Variants in PCDH9 observed in about 807,000 individuals in gnomAD.
PCDH9 encodes protocadherin 9, also known as protocadherin-9.
In PCDH9, 24 loss-of-function variants were observed where a neutral mutation model predicts 70.6. The ratio of observed to expected loss-of-function variants is 0.34; its 90% CI spans 0.25 to 0.48. The LOEUF is 0.48. Among genes scored for constraint, PCDH9 ranks in the 20% least tolerant of loss-of-function variants. The pLI is 0.99. For synonymous variants in PCDH9, 562 were observed against 558.5 expected (o/e 1.01, Z -0.09); for missense variants, 1,281 against 1,503.6 (o/e 0.85, Z 2.45).
intron 2 of PCDH9, among the ~76,000 whole-genome samples, chr13:67,049,843 C>T (rs1219688045): frequency 6.6e-6 from 1 of 152,134 alleles, no homozygotes. Context: ...CTTTTTTCTA[C>T]TATGTTCTGC....
intron 2 of PCDH9, among the ~76,000 whole-genome samples, chr13:66,934,919 A>G (rs2082890048): frequency 6.7e-6 from 1 of 149,232 alleles, no homozygotes; most frequent in Non-Finnish European, 1.5e-5. Context: ...ACGGGGTTTC[A>G]CCGTGTTAGC....
At chr13:67,084,250 C>T (rs1018456911) in intron 2 of PCDH9, among the ~76,000 whole-genome samples, 2 of 152,140 alleles carry the variant, frequency 1.3e-5, no homozygotes, top group African/African-American at 4.8e-5. Context: ...GGCACACAGA[C>T]CTCAGATAAG....
At chr13:66,593,950 C>T (rs181703007) in intron 4 of PCDH9, among the ~76,000 whole-genome samples, 2 of 151,314 alleles carry the variant, frequency 1.3e-5, no homozygotes, top group East Asian at 2.0e-4. Flanking sequence ...TTTTTATAGT[C>T]TTTAATCATT....
chr13:67,169,634 C>T (rs1278200221), intron 2 of PCDH9, among the ~76,000 whole-genome samples: 4 of 152,138 alleles, frequency 2.6e-5, no homozygotes, highest in Non-Finnish European at 5.9e-5. Context: ...ATCGAAACTG[C>T]TGAGTCAATG....
intron 3 of PCDH9, among the ~76,000 whole-genome samples, chr13:66,694,905 C>CTTT (rs367904882): frequency 7.1e-6 from 1 of 141,768 alleles, no homozygotes; most frequent in Non-Finnish European, 1.5e-5. Context: ...CACTTACATA[C>CTTT]TTTTTTTTTT....
At chr13:66,406,159 G>A (rs750351540) in intron 4 of PCDH9, among the ~76,000 whole-genome samples, 1 of 152,136 alleles carries the variant, frequency 6.6e-6, no homozygotes, top group Non-Finnish European at 1.5e-5. Context: ...TTCAAGCAGT[G>A]CCGACCTTGG....
At chr13:67,015,816 T>G (rs2139849014) in intron 2 of PCDH9, among the ~76,000 whole-genome samples, 1 of 152,298 alleles carries the variant, frequency 6.6e-6, no homozygotes, top group Middle Eastern at 3.4e-3. Context: ...TTCATCTATG[T>G]TCCTATGGCT....
At chr13:66,940,533 T>C (rs1031563384) in intron 2 of PCDH9, among the ~76,000 whole-genome samples, 1 of 152,182 alleles carries the variant, frequency 6.6e-6, no homozygotes, top group Non-Finnish European at 1.5e-5. Context: ...TAGGGTGTTA[T>C]TCAAATGAAT....
rs117906654 is a variant in PCDH9 at position 66,553,182 on chromosome 13, C to G, written c.3340+78028G>C. 4.4e-3 allele frequency among the ~76,000 whole-genome samples: 670 copies of G among 152,096 alleles called. 27 individuals are homozygous for G. In the East Asian group the frequency reaches 0.085, roughly 19 times the overall value. On this transcript the variant is annotated intron_variant, in intron 4 of 4. Transcript: ENST00000377865. Reference sequence around the variant, plus strand: ...ACCAGTCAAAAAGAACATTCAATTCCAAAACAAAAAATCACTAACTATTTT... The same window carrying G: ...ACCAGTCAAAAAGAACATTCAATTCGAAAACAAAAAATCACTAACTATTTT...
intron 4 of PCDH9, among the ~76,000 whole-genome samples, chr13:66,608,220 T>C (rs1335870009): frequency 6.6e-6 from 1 of 152,044 alleles, no homozygotes; most frequent in East Asian, 1.9e-4. Flanking sequence ...GTTACAGGTC[T>C]GTGATAGCTG....
intron 2 of PCDH9, chr13:67,001,965 C>G (rs1166144283): frequency 6.6e-6 from 1 of 152,132 alleles, no homozygotes; most frequent in East Asian, 1.9e-4. Flanking sequence ...TGTATTGAAT[C>G]ACTTCTTAAA....
At chr13:66,405,557 C>A (rs554948925) in intron 4 of PCDH9, among the ~76,000 whole-genome samples, 2 of 152,072 alleles carry the variant, frequency 1.3e-5, no homozygotes, top group African/African-American at 2.4e-5. Flanking sequence ...GGAGAAGGTG[C>A]CAAATACTCA....
chr13:67,001,607 G>GA (rs1443606384), intron 2 of PCDH9, among the ~76,000 whole-genome samples: 2 of 152,122 alleles, frequency 1.3e-5, no homozygotes, highest in Non-Finnish European at 2.9e-5. Context: ...GGCTGTGACT[G>GA]AAAGAGAGAG....
At position 66,631,273 on chromosome 13, in the gene PCDH9, A is replaced by G. The variant is rs779653307; in HGVS notation, c.3277T>C (p.Phe1093Leu). The change falls in exon 4 of 5, where the codon TTC becomes CTC. Residue 1093 changes from phenylalanine (F) to leucine (L), a missense_variant. Coordinates refer to ENST00000377865, the MANE Select transcript of PCDH9 (RefSeq NM_203487.3). ...TTGTCCGGAGAGGCCTGGTCATAGAATTCGTCCTGTGGCTGAACCAGAGGA... is the reference window on the plus strand; with the variant it reads ...TTGTCCGGAGAGGCCTGGTCATAGAGTTCGTCCTGTGGCTGAACCAGAGGA... ...PLPLVQPQDE[F>L]YDQASPDKRT... 1.9e-6 allele frequency: 3 copies of G among 1,611,298 alleles called. No individual in the cohort carries two copies. Among genetic ancestry groups the G allele is most frequent in the Middle Eastern group, 1.7e-4 (1 of 6,054 alleles).
At chr13:66,855,328 C>G (rs992457765) in intron 3 of PCDH9, among the ~76,000 whole-genome samples, 2 of 152,058 alleles carry the variant, frequency 1.3e-5, no homozygotes, top group African/African-American at 4.8e-5. Flanking sequence ...TGCCTTACAA[C>G]TAGTATTTCA....
intron 4 of PCDH9, among the ~76,000 whole-genome samples, chr13:66,416,524 G>A (rs752198271): frequency 2.4e-4 from 36 of 152,136 alleles, no homozygotes; most frequent in Non-Finnish European, 4.4e-4. Context: ...CCCTAAGATA[G>A]GATGTTATTT....
chr13:67,156,918 G>T (rs1488245910), intron 2 of PCDH9, among the ~76,000 whole-genome samples: 1 of 152,132 alleles, frequency 6.6e-6, no homozygotes, highest in Non-Finnish European at 1.5e-5. Context: ...TGCCCTGCCG[G>T]GGGACTACTG....
At chr13:67,087,199 C>T (rs1478940699) in intron 2 of PCDH9, among the ~76,000 whole-genome samples, 2 of 151,484 alleles carry the variant, frequency 1.3e-5, no homozygotes, top group Non-Finnish European at 2.9e-5. Flanking sequence ...TTTTAAGGTC[C>T]TTTACTACTG....
chr13:66,762,207 T>G (rs912780), intron 3 of PCDH9, among the ~76,000 whole-genome samples: 56,296 of 151,890 alleles, frequency 0.37, 10,823 homozygotes, highest in East Asian at 0.57. Context: ...GGGTATATCT[T>G]CAGCCCATGG....
Sources: allele counts gnomAD v4.1 joint callset (sites outside exome capture counted in the v4.1 genomes callset), GRCh38; gene constraint gnomAD v4.1.1; transcripts MANE v1.5; gene names NCBI Gene and HGNC (gene_info 2026-07-23, HGNC 2026-07-21).